Variants in GMDS observed in about 807,000 individuals in gnomAD.
The protein encoded by GMDS is GDP-mannose 4,6-dehydratase, also known as GDP-mannose 4,6 dehydratase.
GMDS carries 20 observed loss-of-function variants against 49.9 expected under a neutral mutation model. The observed-to-expected ratio is 0.40, with a 90% CI of 0.28 to 0.58. The LOEUF is 0.58. Among genes scored for constraint, GMDS ranks in the 20% least tolerant of loss-of-function variants. The pLI, the probability that GMDS is intolerant of heterozygous loss-of-function variation, is 0.42. For missense variants in GMDS, 362 were observed against 481.4 expected (o/e 0.75, Z 2.32); for synonymous variants, 177 against 178.6 (o/e 0.99, Z 0.07).
chr6:1,674,761 G>A (rs374652453), intron 9 of GMDS, among the ~76,000 whole-genome samples: 1 of 149,796 alleles, frequency 6.7e-6, no homozygotes, highest in Non-Finnish European at 1.5e-5. Context: ...TGTTGCCCAG[G>A]CTGGTCTTGA....
intron 7 of GMDS, among the ~76,000 whole-genome samples, chr6:1,799,974 A>T (rs226459): frequency 0.43 from 65,880 of 151,706 alleles, 14,466 homozygotes; most frequent in African/African-American, 0.49. Context: ...GTCTTTTTTT[A>T]AAAAAAATTA....
chr6:1,630,835 T>C (rs10484698), intron 9 of GMDS, among the ~76,000 whole-genome samples: 13,690 of 152,124 alleles, frequency 0.09, 2,033 homozygotes, highest in African/African-American at 0.31. Flanking sequence ...TAGAGCCCTC[T>C]TGGTTCCGGT....
intron 1 of GMDS, among the ~76,000 whole-genome samples, chr6:2,161,112 A>G (rs1414329441): frequency 6.6e-6 from 1 of 151,932 alleles, no homozygotes; most frequent in African/African-American, 2.4e-5. Flanking sequence ...CCCAGGTTCA[A>G]GCAATTCTCA....
chr6:1,901,059 C>T (rs1471720092), intron 7 of GMDS, among the ~76,000 whole-genome samples: 1 of 152,218 alleles, frequency 6.6e-6, no homozygotes, highest in Admixed American at 6.5e-5. Flanking sequence ...CAGAGAACGG[C>T]GAAGCGCTGG....
intron 9 of GMDS, among the ~76,000 whole-genome samples, chr6:1,643,804 T>C (rs1176322089): frequency 2.6e-5 from 4 of 152,126 alleles, no homozygotes; most frequent in Non-Finnish European, 1.5e-5. Context: ...ATGTGTGAAT[T>C]ATACCTCAAT....
At chr6:2,022,114 C>T (rs990212974) in intron 4 of GMDS, among the ~76,000 whole-genome samples, 1 of 152,104 alleles carries the variant, frequency 6.6e-6, no homozygotes, top group Admixed American at 6.5e-5. Context: ...GGAAAGACGA[C>T]ACAGGCAACT....
At chr6:1,624,609 CG>C in intron 9 of GMDS, 69 bp from the exon 10 acceptor site, 1 of 1,083,168 alleles carries the variant, frequency 9.2e-7, no homozygotes, top group Non-Finnish European at 1.4e-6. Flanking sequence ...TCCCGAGCCC[CG>C]GGAACTCCCA....
Position 1,640,871 on chromosome 6 carries a change from T to C in GMDS, c.988-16331A>G, listed in dbSNP as rs1056665298. Among the ~76,000 whole-genome samples, 1 of 151,908 alleles carries C rather than the reference T, an allele frequency of 6.6e-6. No homozygotes were observed. The highest frequency in any genetic ancestry group is 2.1e-4 in the South Asian group (1 of 4,804). On this transcript the variant is annotated intron_variant, in intron 9 of 10. Transcript: ENST00000380815. This position sits in a 1 kb window ranked among gnomAD's most constrained non-coding sequence, Gnocchi z 4.0. The stretch of plus-strand genomic sequence containing the variant: ...GTTTAGGCAGAGTTATGATTGACAG[T>C]GGGGGCTGCCCTGGGTAAAGCTTGA...
At position 2,170,158 on chromosome 6, in the gene GMDS, G is replaced by A. The variant is rs542189056; in HGVS notation, c.103-45427C>T. ...GTGGAGGTTGTGGTGAGCCAAGATC[G>A]TGCCATTGCACTCCAGCCTGGGCAA... On this transcript the variant is annotated intron_variant, in intron 1 of 10. Transcript: ENST00000380815. Among the ~76,000 whole-genome samples, 375 of 151,298 alleles carry A rather than the reference G, an allele frequency of 2.5e-3. 2 individuals are homozygous for A. The highest frequency in any genetic ancestry group is 8.5e-3 in the African/African-American group (350 of 41,126).
At chr6:1,855,117 T>A (rs1453341910) in intron 7 of GMDS, among the ~76,000 whole-genome samples, 1 of 152,230 alleles carries the variant, frequency 6.6e-6, no homozygotes, top group East Asian at 1.9e-4. Flanking sequence ...CTAACTCCCA[T>A]ACTTTATATG....
chr6:1,749,694 T>C (rs1013303), intron 7 of GMDS, among the ~76,000 whole-genome samples: 84,317 of 152,080 alleles, frequency 0.55, 24,056 homozygotes, highest in African/African-American at 0.68. Flanking sequence ...GGATAGTTTC[T>C]GCTTCTCTCT....
intron 1 of GMDS, among the ~76,000 whole-genome samples, chr6:2,209,449 G>A (rs1779961320): frequency 6.6e-6 from 1 of 152,168 alleles, no homozygotes; most frequent in Non-Finnish European, 1.5e-5. Context: ...CGCACAATAG[G>A]CAGGTGTTAG....
At chr6:2,099,149 AT>A (rs1427001084) in intron 4 of GMDS, among the ~76,000 whole-genome samples, 1 of 152,122 alleles carries the variant, frequency 6.6e-6, no homozygotes, top group African/African-American at 2.4e-5. Context: ...TTTAGCATAC[AT>A]TTACTACAGT....
chr6:2,087,213 T>A (rs1773065340), intron 4 of GMDS, among the ~76,000 whole-genome samples: 2 of 152,232 alleles, frequency 1.3e-5, no homozygotes, highest in South Asian at 4.1e-4. Flanking sequence ...CAAGGAAAGC[T>A]GTCATGATTC....
At chr6:1,759,918 C>T (rs1768095310) in intron 7 of GMDS, among the ~76,000 whole-genome samples, 1 of 152,044 alleles carries the variant, frequency 6.6e-6, no homozygotes, top group Non-Finnish European at 1.5e-5. Flanking sequence ...CCCCCAACAC[C>T]CTTCGGTTTC....
rs34633662 is a variant in GMDS at position 1,833,126 on chromosome 6, CTT to C, written c.772-90542_772-90541del. Among the ~76,000 whole-genome samples, 4,044 of 123,332 alleles carry C rather than the reference CTT, an allele frequency of 0.033. 139 individuals are homozygous for C. Among genetic ancestry groups the C allele is most frequent in the East Asian group, 0.13 (540 of 4,288 alleles). The allele number at this position is 123,332 out of a possible 152,430, so 80.9% of individuals were successfully genotyped here. A position where few individuals can be genotyped will look rare whatever the true frequency, so the allele number is the denominator to read the frequency against. ...ACCCGGCAGTGGAGCGTATGAAAGC[CTT>C]TTTTTTTTTTTTTTTTTTTTTAAAC... On this transcript the variant is annotated intron_variant, in intron 7 of 10. Transcript: ENST00000380815. The surrounding 1 kb of genome is among the most constrained non-coding windows in gnomAD (Gnocchi z 4.4).
chr6:1,936,190 A>G (rs1464078221), intron 6 of GMDS, among the ~76,000 whole-genome samples: 2 of 152,184 alleles, frequency 1.3e-5, no homozygotes, highest in Non-Finnish European at 2.9e-5. Flanking sequence ...TCTCTTACCA[A>G]TAAAATGGGA....
At chr6:2,205,343 CCTT>C (rs1332425375) in intron 1 of GMDS, among the ~76,000 whole-genome samples, 1 of 152,166 alleles carries the variant, frequency 6.6e-6, no homozygotes, top group Non-Finnish European at 1.5e-5. Flanking sequence ...AAGTTCATCT[CCTT>C]AAGTTCAATC....
rs146621815 is a variant in GMDS, at chr6:2,011,434, T to C, written c.346-50468A>G. 4.0e-3 allele frequency among the ~76,000 whole-genome samples: 614 copies of C among 152,276 alleles called. 8 individuals carry two copies. Among genetic ancestry groups the C allele is most frequent in the African/African-American group, 0.014 (582 of 41,568 alleles). ...ATAGAACTATCATTCGATCTAGCAA[T>C]CCCACTACTTGGTATCTATCCAGAG... On this transcript the variant is annotated intron_variant, in intron 4 of 10. Transcript: ENST00000380815.
Sources: gnomAD v4.1 joint callset for allele counts (sites outside exome capture counted in the v4.1 genomes callset) on GRCh38, gnomAD v4.1.1 for gene constraint, Gnocchi (gnomAD v3.1) non-coding constraint, MANE v1.5 for transcripts, NCBI Gene and HGNC (gene_info 2026-07-23, HGNC 2026-07-21) for gene names.